Variants in PARG observed in about 807,000 individuals in gnomAD.
The protein encoded by PARG is mitochondrial poly(ADP-ribose) glycohydrolase.
Under a neutral mutation model 113.0 loss-of-function variants are expected in PARG, and 35 were observed. That is an observed-to-expected ratio of 0.31 (90% confidence interval 0.24 to 0.41). The LOEUF is 0.41. Ranked by LOEUF, PARG falls within the 10% of genes least tolerant of loss-of-function variation. The pLI is 1.00. For synonymous variants in PARG, 330 were observed against 409.9 expected (o/e 0.81, Z 2.36); for missense variants, 797 against 1,169.4 (o/e 0.68, Z 4.64).
chr10:49,926,331 T>C (rs1838162115), intron 4 of PARG, among the ~76,000 whole-genome samples: 1 of 151,840 alleles, frequency 6.6e-6, no homozygotes, highest in African/African-American at 2.4e-5. Flanking sequence ...TCCAGGCACC[T>C]ATCTAGCCTT....
intron 9 of PARG, among the ~76,000 whole-genome samples, chr10:49,876,822 A>C (rs1391173946): frequency 1.4e-4 from 21 of 151,038 alleles, no homozygotes; most frequent in African/African-American, 5.1e-4. Context: ...ATTTGAACTA[A>C]ACATTGACTA....
chr10:49,907,543 T>G (rs1336386819), intron 7 of PARG, among the ~76,000 whole-genome samples: 1 of 152,152 alleles, frequency 6.6e-6, no homozygotes, highest in Middle Eastern at 3.2e-3. Context: ...AAAACAGATC[T>G]AACGTTCTGT....
chr10:49,936,575 C>T (rs1838749721), intron 1 of PARG, among the ~76,000 whole-genome samples: 1 of 152,086 alleles, frequency 6.6e-6, no homozygotes, highest in Non-Finnish European at 1.5e-5. Context: ...AGTGTGCTGT[C>T]AAAATTTAAT....
intron 4 of PARG, among the ~76,000 whole-genome samples, chr10:49,930,537 A>T (rs1430866833): frequency 5.9e-5 from 9 of 151,894 alleles, no homozygotes; most frequent in Non-Finnish European, 1.3e-4. Context: ...CAAATTCCAC[A>T]CTCCAGCAAA....
At chr10:49,829,424 GA>G (rs1351659193) in intron 16 of PARG, among the ~76,000 whole-genome samples, 5 of 151,946 alleles carry the variant, frequency 3.3e-5, no homozygotes, top group Admixed American at 1.3e-4. Context: ...AATAATTAAA[GA>G]AATACAAGTT....
chr10:49,881,700 T>C (rs1847224320), intron 8 of PARG, among the ~76,000 whole-genome samples: 2 of 152,202 alleles, frequency 1.3e-5, no homozygotes, highest in Admixed American at 6.5e-5. Flanking sequence ...ACACCACTGC[T>C]AGAATAAGAG....
chr10:49,912,372 C>T (rs1393058710), intron 7 of PARG, among the ~76,000 whole-genome samples: 1 of 151,854 alleles, frequency 6.6e-6, no homozygotes, highest in Non-Finnish European at 1.5e-5. Flanking sequence ...GTTTAAGAAC[C>T]CTTAGTTTAA....
At chr10:49,906,415 G>A (rs1266156037) in intron 7 of PARG, among the ~76,000 whole-genome samples, 1 of 152,012 alleles carries the variant, frequency 6.6e-6, no homozygotes, top group Non-Finnish European at 1.5e-5. Context: ...TACTCAATTA[G>A]TTTTTACGAT....
intron 4 of PARG, among the ~76,000 whole-genome samples, chr10:49,927,353 AGAAAGAAG>A (rs1216140742): frequency 3.9e-5 from 5 of 127,176 alleles, no homozygotes; most frequent in Non-Finnish European, 6.2e-5. Flanking sequence ...AAGGAAGGAA[AGAAAGAAG>A]GAAAGAAGGA....
At position 49,843,555 on chromosome 10, in the gene PARG, T is replaced by G. The variant is rs1257544572; in HGVS notation, c.2431A>C (p.Arg811=). The G allele has an allele frequency of 1.8e-5, 28 of 1,546,416 alleles. No homozygotes were observed. The highest frequency in any genetic ancestry group is 2.5e-5 in the Non-Finnish European group (28 of 1,142,304). The change falls in exon 14 of 18, where the codon AGG becomes CGG. Residue 811 remains arginine, a splice_region_variant and synonymous_variant. Coordinates refer to ENST00000616448, the MANE Select transcript of PARG (RefSeq NM_003631.5). ...WSRSHEDGSE[R]DDWQRRCTEI... Reference sequence around the variant, plus strand: ...TACTGAAGACAGAAACAGACTCACCTTTCACTCCCATCTTCGTGGCTCCGG... The same window carrying G: ...TACTGAAGACAGAAACAGACTCACCGTTCACTCCCATCTTCGTGGCTCCGG...
intron 13 of PARG, among the ~76,000 whole-genome samples, chr10:49,851,073 A>C (rs1554834138): frequency 6.6e-6 from 1 of 152,236 alleles, no homozygotes; most frequent in African/African-American, 2.4e-5. Flanking sequence ...ACCTTCACTT[A>C]AGGAAAAAAC....
intron 7 of PARG, among the ~76,000 whole-genome samples, chr10:49,903,896 G>A (rs1211057913): frequency 6.6e-6 from 1 of 152,174 alleles, no homozygotes; most frequent in Non-Finnish European, 1.5e-5. Context: ...GAGGTTTTAA[G>A]ATCTATGCTT....
chr10:49,850,246 C>T (rs1367835147), intron 13 of PARG, among the ~76,000 whole-genome samples: 3 of 140,514 alleles, frequency 2.1e-5, no homozygotes, highest in African/African-American at 5.4e-5. Context: ...AAGAGCACTG[C>T]ACTGAGATTA....
chr10:49,823,128 A>G (rs1844187206), intron 16 of PARG, among the ~76,000 whole-genome samples: 1 of 152,240 alleles, frequency 6.6e-6, no homozygotes, highest in East Asian at 1.9e-4. Context: ...TTTATATAAG[A>G]TAATATTTTA....
intron 7 of PARG, among the ~76,000 whole-genome samples, chr10:49,911,531 T>C (rs1233873387): frequency 6.6e-6 from 1 of 152,196 alleles, no homozygotes; most frequent in Non-Finnish European, 1.5e-5. Flanking sequence ...GGAAGACCAA[T>C]ATTAGCCCTG....
chr10:49,892,245 A>G (rs188233024), intron 7 of PARG, among the ~76,000 whole-genome samples: 1 of 152,262 alleles, frequency 6.6e-6, no homozygotes, highest in Non-Finnish European at 1.5e-5. Context: ...TTAAAATGTC[A>G]TGTATTTTCA....
intron 7 of PARG, among the ~76,000 whole-genome samples, chr10:49,910,582 G>A (rs1360347101): frequency 1.3e-5 from 2 of 151,840 alleles, no homozygotes; most frequent in Non-Finnish European, 2.9e-5. Flanking sequence ...CCAATGGAAG[G>A]ATGAAACGAA....
At chr10:49,923,159 C>T (rs1277586351) in intron 4 of PARG, among the ~76,000 whole-genome samples, 1 of 152,062 alleles carries the variant, frequency 6.6e-6, no homozygotes, top group Non-Finnish European at 1.5e-5. Context: ...ATACATACTA[C>T]TGTGGCCTCT....
intron 7 of PARG, among the ~76,000 whole-genome samples, chr10:49,899,331 A>G (rs1554843418): frequency 6.6e-6 from 1 of 152,244 alleles, no homozygotes; most frequent in Non-Finnish European, 1.5e-5. Context: ...AAAAAAATCA[A>G]CTGGAGAAGG....
Sources: allele counts gnomAD v4.1 joint callset (sites outside exome capture counted in the v4.1 genomes callset), GRCh38; gene constraint gnomAD v4.1.1; transcripts MANE v1.5; gene names NCBI Gene and HGNC (gene_info 2026-07-23, HGNC 2026-07-21).